The following CDH18 variants were observed in gnomAD, a reference collection of about 807,000 sequenced individuals.
CDH18 encodes the protein cadherin 18.
A neutral mutation model predicts 67.9 loss-of-function variants in CDH18; 31 were observed. The ratio of observed to expected loss-of-function variants is 0.46; its 90% CI spans 0.34 to 0.62. The LOEUF is 0.62. CDH18 is among the 20% of genes least tolerant of loss of function. The probability of loss-of-function intolerance (pLI) is 0.01; values close to 1 mark genes in which losing one functional copy is unlikely to be tolerated. For missense variants in CDH18, 890 were observed against 975.5 expected, an observed-to-expected ratio of 0.91 and a Z score of 1.17; for synonymous variants, 362 against 347.2, an observed-to-expected ratio of 1.04 and a Z score of -0.48.
intron 1 of CDH18, among the ~76,000 whole-genome samples, chr5:20,379,513 A>T (rs1743742470): frequency 6.6e-6 from 1 of 152,204 alleles, no homozygotes; most frequent in Non-Finnish European, 1.5e-5. Flanking sequence ...TACAGCTACC[A>T]TATAGACACT....
intron 1 of CDH18, among the ~76,000 whole-genome samples, chr5:20,543,062 T>A (rs1228337540): frequency 6.6e-6 from 1 of 152,168 alleles, no homozygotes; most frequent in East Asian, 1.9e-4. Flanking sequence ...GCAAACTTTT[T>A]AAAATTGTTT....
rs777265512 is a variant in CDH18, at chr5:20,519,942, C to CT, written c.-580+55519dup. Among the ~76,000 whole-genome samples the CT allele has an allele frequency of 1.9e-4, 8 of 41,688 alleles. 2 individuals are homozygous for CT. The highest frequency in any genetic ancestry group is 2.7e-4 in the African/African-American group (3 of 11,260). 27.3% of individuals were successfully genotyped at this position (41,688 alleles called of 152,430 possible). ...AGGCTGGAGTACAACACAGTCTTGGCTTTTTTTTTTTTTTTTTTTTTTTTT... is the reference window on the plus strand; with the variant it reads ...AGGCTGGAGTACAACACAGTCTTGGCTTTTTTTTTTTTTTTTTTTTTTTTTT... On this transcript the variant is annotated intron_variant, in intron 1 of 14. Transcript: ENST00000507958.
chr5:19,603,703 T>C (rs1312538273), intron 6 of CDH18, among the ~76,000 whole-genome samples: 1 of 151,110 alleles, frequency 6.6e-6, no homozygotes, highest in Non-Finnish European at 1.5e-5. Context: ...AAAATGCTAG[T>C]TTTGCTTGGA....
intron 1 of CDH18, among the ~76,000 whole-genome samples, chr5:20,494,817 C>T (rs1753813978): frequency 6.6e-6 from 1 of 151,938 alleles, no homozygotes. Context: ...CAGAAAAAGT[C>T]GGTTATTACC....
intron 1 of CDH18, among the ~76,000 whole-genome samples, chr5:20,261,554 A>C (rs3925416): frequency 0.46 from 69,796 of 151,740 alleles, 16,130 homozygotes; most frequent in South Asian, 0.52. Flanking sequence ...TCCTGGCTAA[A>C]ACGGTGAAAC....
At chr5:19,901,189 T>C (rs549952877) in intron 2 of CDH18, among the ~76,000 whole-genome samples, 123 of 152,238 alleles carry the variant, frequency 8.1e-4, no homozygotes, top group Non-Finnish European at 1.5e-3. Context: ...ACTTTAAATA[T>C]AAATCAATGT....
At chr5:19,673,805 A>G (rs191489947) in intron 5 of CDH18, among the ~76,000 whole-genome samples, 36 of 152,250 alleles carry the variant, frequency 2.4e-4, no homozygotes, top group African/African-American at 8.4e-4. Context: ...AAGGGCTGCT[A>G]TTATTGTCTC....
At chr5:20,304,790 AC>A in intron 1 of CDH18, 3 of 1,610,498 alleles carry the variant, frequency 1.9e-6, no homozygotes, top group Non-Finnish European at 2.5e-6. Flanking sequence ...AGGGAAGGAG[AC>A]CGTGTTTCAG....
At chr5:19,836,592 C>A (rs937036683) in intron 3 of CDH18, among the ~76,000 whole-genome samples, 2 of 152,092 alleles carry the variant, frequency 1.3e-5, no homozygotes, top group Admixed American at 6.6e-5. Context: ...GGATAGATGG[C>A]AAACATTTTC....
At chr5:20,148,376 C>T (rs1320757832) in intron 2 of CDH18, among the ~76,000 whole-genome samples, 2 of 152,042 alleles carry the variant, frequency 1.3e-5, no homozygotes, top group South Asian at 2.1e-4. Context: ...GGATTACATG[C>T]GTGAGCCACC....
chr5:20,476,698 G>T (rs191853810), intron 1 of CDH18, among the ~76,000 whole-genome samples: 1 of 152,200 alleles, frequency 6.6e-6, no homozygotes, highest in East Asian at 1.9e-4. Flanking sequence ...AATAATGTAA[G>T]AAATTATAAA....
intron 3 of CDH18, among the ~76,000 whole-genome samples, chr5:19,834,152 A>ATTTTTT (rs36060099): frequency 7.0e-6 from 1 of 143,686 alleles, no homozygotes; most frequent in Non-Finnish European, 1.5e-5. Context: ...TGGTCCTGGG[A>ATTTTTT]TTTTTTTTTT....
At chr5:19,731,599 A>G (rs528306466) in intron 4 of CDH18, among the ~76,000 whole-genome samples, 1 of 152,358 alleles carries the variant, frequency 6.6e-6, no homozygotes, top group African/African-American at 2.4e-5. Context: ...ATGCCTTTGC[A>G]TTCAAAAACT....
chr5:19,923,327 G>C (rs992877145), intron 2 of CDH18, among the ~76,000 whole-genome samples: 1 of 152,104 alleles, frequency 6.6e-6, no homozygotes, highest in Non-Finnish European at 1.5e-5. Context: ...ATGAAACAGA[G>C]ACAAGTTATC....
intron 3 of CDH18, among the ~76,000 whole-genome samples, chr5:19,826,327 C>T (rs1172168391): frequency 6.6e-6 from 1 of 152,112 alleles, no homozygotes; most frequent in Admixed American, 6.6e-5. Context: ...TCCACAAAAA[C>T]TTCCCCAAAC....
chr5:19,617,062 C>T (rs993665065), intron 5 of CDH18, among the ~76,000 whole-genome samples: 4 of 152,104 alleles, frequency 2.6e-5, no homozygotes, highest in African/African-American at 7.2e-5. Flanking sequence ...CTAGGGAGGT[C>T]GGACACAAAT....
intron 5 of CDH18, among the ~76,000 whole-genome samples, chr5:19,689,735 A>C (rs2150416360): frequency 6.6e-6 from 1 of 152,076 alleles, no homozygotes; most frequent in South Asian, 2.1e-4. Context: ...AACATAAAAT[A>C]CTTAAAACAT....
intron 3 of CDH18, among the ~76,000 whole-genome samples, chr5:19,811,021 T>C (rs1194948974): frequency 7.3e-6 from 1 of 137,570 alleles, no homozygotes; most frequent in Non-Finnish European, 1.5e-5. Context: ...AGACTCTGTC[T>C]CAAAAAGGAA....
intron 1 of CDH18, among the ~76,000 whole-genome samples, chr5:20,316,842 T>C (rs1196841871): frequency 6.6e-6 from 1 of 152,090 alleles, no homozygotes; most frequent in African/African-American, 2.4e-5. Flanking sequence ...TGTTCTGCCT[T>C]GAAAAGACTA....
Sources: gnomAD v4.1 joint callset for allele counts (sites outside exome capture counted in the v4.1 genomes callset) on GRCh38, gnomAD v4.1.1 for gene constraint, MANE v1.5 for transcripts, NCBI Gene and HGNC (gene_info 2026-07-23, HGNC 2026-07-21) for gene names.